Variants in PRR11 observed in about 807,000 individuals in gnomAD.
PRR11 encodes proline rich 11.
Under a neutral mutation model 45.6 loss-of-function variants are expected in PRR11, and 30 were observed. The ratio of observed to expected loss-of-function variants is 0.66; its 90% CI spans 0.49 to 0.89. The LOEUF is 0.89. Ranked by LOEUF, PRR11 falls within the 40% of genes least tolerant of loss-of-function variation. The pLI, the probability that PRR11 is intolerant of heterozygous loss-of-function variation, is 0.00. For missense variants in PRR11, 373 were observed against 424.8 expected (o/e 0.88, Z 1.07); for synonymous variants, 128 against 153.5 (o/e 0.83, Z 1.23).
At chr17:59,185,610 A>G (rs1172020851) in intron 4 of PRR11, 48 bp downstream of exon 4, 2 of 1,476,410 alleles carry the variant, frequency 1.4e-6, no homozygotes, top group African/African-American at 1.4e-5. Context: ...GTAAGGAGAC[A>G]CTTTTTTTGA....
chr17:59,167,340 C>A (rs1455154108), intron 1 of PRR11, among the ~76,000 whole-genome samples: 2 of 152,098 alleles, frequency 1.3e-5, no homozygotes, highest in East Asian at 3.9e-4. Flanking sequence ...CTATTTGAAA[C>A]TAGATAATAT....
intron 4 of PRR11, 152 bp from the exon 5 acceptor site, chr17:59,193,340 A>G (rs1317123305): frequency 2.0e-6 from 2 of 1,016,782 alleles, no homozygotes; most frequent in Non-Finnish European, 2.8e-6. Context: ...AATGAAATGA[A>G]GAAACTTATG....
At chr17:59,199,848 G>A (rs929648849) in intron 9 of PRR11, among the ~76,000 whole-genome samples, 1 of 152,184 alleles carries the variant, frequency 6.6e-6, no homozygotes, top group African/African-American at 2.4e-5. Context: ...CTGCGTAGTG[G>A]AGATGTGACC....
At position 59,204,395 on chromosome 17, in the gene PRR11, C is replaced by CAAAAAAAAAA. The variant is rs71367677; in HGVS notation, c.*2779_*2788dup. The CAAAAAAAAAA allele has an allele frequency of 2.0e-5, 1 of 48,864 alleles. No homozygotes were observed. The highest frequency in any genetic ancestry group is 3.8e-5 in the Non-Finnish European group (1 of 26,424). The allele number at this position is 48,864 out of a possible 1,614,324, so 3.0% of individuals were successfully genotyped here. A position where few individuals can be genotyped will look rare whatever the true frequency, so the allele number is the denominator to read the frequency against. The stretch of plus-strand genomic sequence containing the variant: ...TGGGCAACAGAGCCAGACCCTGCCT[C>CAAAAAAAAAA]AAAAAAAAAAAAAAAAAAAAAAAAG... On this transcript the variant is annotated 3_prime_UTR_variant, in exon 10 of 10. Transcript: ENST00000262293.
At position 59,200,995 on chromosome 17, in the gene PRR11, G is replaced by C. The variant is rs1192463121; in HGVS notation, c.1015-568G>C. On this transcript the variant is annotated intron_variant, in intron 9 of 9. Transcript: ENST00000262293. ...GTTTTTGGGGAACAGAAAGTGTTTGGTTACACAAATTAGTTCTTTAGTGGT... is the reference window on the plus strand; with the variant it reads ...GTTTTTGGGGAACAGAAAGTGTTTGCTTACACAAATTAGTTCTTTAGTGGT... Among the ~76,000 whole-genome samples the C allele has an allele frequency of 2.6e-5, 4 of 151,546 alleles. No homozygotes were observed. In the East Asian group the frequency reaches 5.8e-4, roughly 22 times the overall value.
At chr17:59,176,350 G>A (rs1024249958) in intron 2 of PRR11, among the ~76,000 whole-genome samples, 2 of 152,176 alleles carry the variant, frequency 1.3e-5, no homozygotes, top group African/African-American at 4.8e-5. Flanking sequence ...CAGTGAGGGT[G>A]TTGTGCTTTG....
intron 2 of PRR11, among the ~76,000 whole-genome samples, chr17:59,172,609 C>T (rs891080943): frequency 5.3e-5 from 8 of 152,246 alleles, no homozygotes; most frequent in African/African-American, 1.9e-4. Flanking sequence ...GCGGCCCCCA[C>T]ACTCTGAGCT....
intron 2 of PRR11, chr17:59,175,151 G>A (rs1013799830): frequency 2.0e-5 from 11 of 538,900 alleles, no homozygotes; most frequent in South Asian, 6.8e-5. Context: ...TCAGGTTGCC[G>A]CTCAGGGACA....
chr17:59,197,746 G>C lies in PRR11; in HGVS notation c.971G>C (p.Gly324Ala). The C allele has an allele frequency of 3.1e-6, 5 of 1,613,986 alleles. No homozygotes were observed. The highest frequency in any genetic ancestry group is 4.2e-6 in the Non-Finnish European group (5 of 1,180,012). The change falls in exon 9 of 10, where the codon GGA becomes GCA. Residue 324 changes from glycine (G) to alanine (A), a missense_variant. Transcript: ENST00000262293. ...TNKENMETGT[G>A]LTPVMTQALR... ...AAGGAAAATATGGAAACAGGAACAG[G>C]ACTGACTCCAGTGATGACGCAGGCC...
chr17:59,193,365 A>G (rs1214842499), intron 4 of PRR11, 127 bp from the exon 5 acceptor site: 22 of 1,181,972 alleles, frequency 1.9e-5, no homozygotes, highest in Middle Eastern at 2.1e-4. Context: ...TAAATGAGAA[A>G]ATATCAGGAA....
intron 9 of PRR11, among the ~76,000 whole-genome samples, chr17:59,200,738 T>G (rs2147857894): frequency 6.6e-6 from 1 of 152,240 alleles, no homozygotes; most frequent in Admixed American, 6.5e-5. Context: ...GTGATCCACC[T>G]GCCTCGGCCT....
intron 1 of PRR11, among the ~76,000 whole-genome samples, chr17:59,162,989 C>CA (rs1449162731): frequency 1.3e-5 from 2 of 152,102 alleles, no homozygotes; most frequent in Non-Finnish European, 2.9e-5. Context: ...CTCAGCCTCT[C>CA]AAAGTGCTGG....
chr17:59,199,858 C>A (rs954723353), intron 9 of PRR11, among the ~76,000 whole-genome samples: 1 of 152,166 alleles, frequency 6.6e-6, no homozygotes, highest in African/African-American at 2.4e-5. Context: ...GAGATGTGAC[C>A]AGGTTCTTCT....
At chr17:59,196,912 C>T (rs549186508) in intron 7 of PRR11, among the ~76,000 whole-genome samples, 10 of 151,902 alleles carry the variant, frequency 6.6e-5, no homozygotes, top group African/African-American at 2.4e-4. Flanking sequence ...AGTAGTGGCA[C>T]AAGCTCGGCT....
In PRR11 at chr17:59,204,464, G is replaced by A. The variant is rs926721461; in HGVS notation, c.*2833G>A. The stretch of plus-strand genomic sequence containing the variant: ...CGCCTGTAATCCCAGCACTTTGGGA[G>A]GCTGAGGCGGGCAAAACACTTGAGG... On this transcript the variant is annotated 3_prime_UTR_variant, in exon 10 of 10. Transcript: ENST00000262293. 6.6e-6 allele frequency: 1 copy of A among 151,160 alleles called. No individual in the cohort carries two copies. The highest frequency in any genetic ancestry group is 2.4e-5 in the African/African-American group (1 of 40,918). 9.4% of individuals were successfully genotyped at this position (151,160 alleles called of 1,614,324 possible).
Position 59,197,254 on chromosome 17 carries a change from A to ATT in PRR11, c.858-277_858-276dup, listed in dbSNP as rs35057236. Reference sequence around the variant, plus strand: ...AAATAATAAAATCTGGCAAGTTCTAATTTTTTTTTTTTTTGGAGACAGAGT... The same window carrying ATT: ...AAATAATAAAATCTGGCAAGTTCTAATTTTTTTTTTTTTTTTGGAGACAGAGT... On this transcript the variant is annotated intron_variant, in intron 7 of 9. Transcript: ENST00000262293. Among the ~76,000 whole-genome samples, 140 of 145,470 alleles carry ATT rather than the reference A, an allele frequency of 9.6e-4. 1 individual carries two copies. Among genetic ancestry groups the ATT allele is most frequent in the Non-Finnish European group, 1.6e-3 (106 of 66,366 alleles).
At chr17:59,174,928 C>A in intron 2 of PRR11, 1 of 1,020,178 alleles carries the variant, frequency 9.8e-7, no homozygotes, top group South Asian at 1.3e-5. Context: ...GATTCCTCCC[C>A]ACCTCCTCCA....
At position 59,189,022 on chromosome 17, in the gene PRR11, G is replaced by A. The variant is rs150344383; in HGVS notation, c.402+3460G>A. Among the ~76,000 whole-genome samples, 1,168 of 151,128 alleles carry A rather than the reference G, an allele frequency of 7.7e-3. 53 individuals are homozygous for A. Among genetic ancestry groups the A allele is most frequent in the Admixed American group, 0.071 (1,073 of 15,114 alleles). Reference sequence around the variant, plus strand: ...AGGTATATTCAGAACAGTGTTTATAGGATGTTCCCATGTATTATTAAAATG... The same window carrying A: ...AGGTATATTCAGAACAGTGTTTATAAGATGTTCCCATGTATTATTAAAATG... On this transcript the variant is annotated intron_variant, in intron 4 of 9. Coordinates refer to ENST00000262293, the MANE Select transcript of PRR11 (RefSeq NM_018304.4).
intron 2 of PRR11, among the ~76,000 whole-genome samples, chr17:59,183,943 A>C (rs1338458966): frequency 6.8e-6 from 1 of 147,242 alleles, no homozygotes; most frequent in African/African-American, 2.6e-5. Flanking sequence ...AAAAAAACAA[A>C]ACCAAACCAA....
Sources: gnomAD v4.1 joint callset for allele counts (sites outside exome capture counted in the v4.1 genomes callset) on GRCh38, gnomAD v4.1.1 for gene constraint, MANE v1.5 for transcripts, NCBI Gene and HGNC (gene_info 2026-07-23, HGNC 2026-07-21) for gene names.